ATOH8: variants seen among roughly 807,000 people sequenced by gnomAD.
ATOH8 encodes atonal bHLH transcription factor 8, also known as transcription factor ATOH8.
ATOH8 carries 9 observed loss-of-function variants against 21.2 expected under a neutral mutation model. The ratio of observed to expected loss-of-function variants is 0.42; its 90% CI spans 0.26 to 0.74. The LOEUF (loss-of-function observed/expected upper bound fraction) is 0.74, where lower values mean the gene tolerates loss of function less well. ATOH8 is among the 30% of genes least tolerant of loss of function. ATOH8 has a pLI of 0.24. For missense variants in ATOH8, 524 were observed against 470.9 expected (o/e 1.11, Z -1.04); for synonymous variants, 253 against 224.0 (o/e 1.13, Z -1.16).
At chr2:85,781,015 G>A in intron 2 of ATOH8, 1 of 988,064 alleles carries the variant, frequency 1.0e-6, no homozygotes, top group Non-Finnish European at 1.2e-6. Context: ...CCTGTGCCCA[G>A]AATAACCTCT....
intron 1 of ATOH8, among the ~76,000 whole-genome samples, chr2:85,757,611 G>C (rs534584522): frequency 1.2e-4 from 18 of 152,176 alleles, no homozygotes; most frequent in Non-Finnish European, 2.1e-4. Flanking sequence ...GCCAGGCATT[G>C]AGTTGTTCCT....
intron 1 of ATOH8, among the ~76,000 whole-genome samples, chr2:85,757,980 T>A (rs1259391829): frequency 1.3e-5 from 2 of 151,772 alleles, no homozygotes; most frequent in African/African-American, 4.8e-5. Context: ...GGGATGGGGG[T>A]TTCACCATGT....
At chr2:85,757,440 T>A (rs4832193) in intron 1 of ATOH8, among the ~76,000 whole-genome samples, 105,009 of 152,182 alleles carry the variant, frequency 0.69, 39,405 homozygotes, top group Non-Finnish European at 0.84. Context: ...CTGAAATGGG[T>A]CCTTGGAAAT....
At chr2:85,772,423 G>A (rs1680210251) in intron 2 of ATOH8, among the ~76,000 whole-genome samples, 1 of 151,970 alleles carries the variant, frequency 6.6e-6, no homozygotes, top group African/African-American at 2.4e-5. Context: ...CCCCCTCCTG[G>A]CAGCCCCAGA....
chr2:85,785,107 T>C lies in ATOH8; in HGVS notation c.961-1778T>C, dbSNP rs1680590736. ...TGGCCCCAGGCTGCCCTGACCGCCT[T>C]TACAGCATGCCCAGGAGGACGGCTC... On this transcript the variant is annotated intron_variant, in intron 2 of 2. Transcript: ENST00000306279. This position sits in a 1 kb window ranked among gnomAD's most constrained non-coding sequence, Gnocchi z 4.1. Among the ~76,000 whole-genome samples, 1 of 152,212 alleles carries C rather than the reference T, an allele frequency of 6.6e-6. No individual in the cohort carries two copies. Among genetic ancestry groups the C allele is most frequent in the African/African-American group, 2.4e-5 (1 of 41,456 alleles).
rs1031249370 is a variant in ATOH8, at chr2:85,788,196, AGTGT to A, written c.*1313_*1316del. On this transcript the variant is annotated 3_prime_UTR_variant, in exon 3 of 3. Coordinates refer to ENST00000306279, the MANE Select transcript of ATOH8 (RefSeq NM_032827.7). Reference sequence around the variant, plus strand: ...CAGGATCAGGCGCTGTCCGAGTGAGAGTGTGTGTGTCTGTGTGTGGAAGGGGGTG... The same window carrying A: ...CAGGATCAGGCGCTGTCCGAGTGAGAGTGTGTCTGTGTGTGGAAGGGGGTG... 23 of 151,694 alleles carry A rather than the reference AGTGT, an allele frequency of 1.5e-4. No individual in the cohort carries two copies. The highest frequency in any genetic ancestry group is 5.3e-4 in the African/African-American group (22 of 41,306). 9.4% of individuals were successfully genotyped at this position (151,694 alleles called of 1,614,324 possible). A position where few individuals can be genotyped will look rare whatever the true frequency, so the allele number is the denominator to read the frequency against.
chr2:85,769,263 A>G (rs1680111938), intron 2 of ATOH8, among the ~76,000 whole-genome samples: 1 of 152,236 alleles, frequency 6.6e-6, no homozygotes, highest in African/African-American at 2.4e-5. Context: ...CCTGGCAATA[A>G]ATGGCCAGTA....
chr2:85,776,624 T>C (rs1378201333), intron 2 of ATOH8, among the ~76,000 whole-genome samples: 1 of 152,182 alleles, frequency 6.6e-6, no homozygotes, highest in Non-Finnish European at 1.5e-5. Flanking sequence ...GAGGGCCTCC[T>C]GCATGGTGGG....
At chr2:85,786,051 C>T (rs1037871686) in intron 2 of ATOH8, among the ~76,000 whole-genome samples, 15 of 152,166 alleles carry the variant, frequency 9.9e-5, no homozygotes, top group Admixed American at 3.9e-4. Flanking sequence ...CCAGTTACAC[C>T]GTCTGCTCAG....
chr2:85,767,985 C>T lies in ATOH8; in HGVS notation c.960+3803C>T, dbSNP rs190350219. 3.3e-3 allele frequency among the ~76,000 whole-genome samples: 501 copies of T among 152,368 alleles called. 4 individuals carry two copies. The highest frequency in any genetic ancestry group is 0.01 in the Middle Eastern group (3 of 294). Reference sequence around the variant, plus strand: ...CCCCACCACACAGGGTCTGGATTAGCACACAGTCCCTGGGCCACCACCCTG... The same window carrying T: ...CCCCACCACACAGGGTCTGGATTAGTACACAGTCCCTGGGCCACCACCCTG... On this transcript the variant is annotated intron_variant, in intron 2 of 2. Coordinates refer to ENST00000306279, the MANE Select transcript of ATOH8 (RefSeq NM_032827.7).
chr2:85,763,426 T>C (rs1306128453), intron 1 of ATOH8, among the ~76,000 whole-genome samples: 1 of 152,072 alleles, frequency 6.6e-6, no homozygotes, highest in Non-Finnish European at 1.5e-5. Context: ...AAAAGATTTT[T>C]AAAAAATGAA....
chr2:85,786,152 G>C (rs1414169443), intron 2 of ATOH8, among the ~76,000 whole-genome samples: 3 of 152,222 alleles, frequency 2.0e-5, no homozygotes, highest in Non-Finnish European at 4.4e-5. Flanking sequence ...TTCGAACTGT[G>C]CTCCTTAGCA....
At position 85,755,096 on chromosome 2, in the gene ATOH8, GTGGGCAGTCCTAGGGTA is replaced by G. The variant is rs1679647195; in HGVS notation, c.768+143_768+159del. The G allele has an allele frequency of 3.4e-6, 4 of 1,191,220 alleles. No homozygotes were observed. In the African/African-American group the frequency reaches 4.6e-5, roughly 14 times the overall value. The allele number at this position is 1,191,220 out of a possible 1,614,324, so 73.8% of individuals were successfully genotyped here. ...GTCCGACCCTGGTGCCCAGACAGGT[GTGGGCAGTCCTAGGGTA>G]TGGATCATAGTTTTCAAAGTGGCTA... On this transcript the variant is annotated intron_variant, in intron 1 of 2. Transcript: ENST00000306279.
chr2:85,760,133 G>T (rs934089492), intron 1 of ATOH8, among the ~76,000 whole-genome samples: 1 of 152,084 alleles, frequency 6.6e-6, no homozygotes, highest in Non-Finnish European at 1.5e-5. Context: ...CTTAGGGTGG[G>T]TGGGGTGGAA....
rs1680589279 is a variant in ATOH8 at position 85,785,059 on chromosome 2, A to G, written c.961-1826A>G. Among the ~76,000 whole-genome samples, 1 of 152,260 alleles carries G rather than the reference A, an allele frequency of 6.6e-6. No homozygotes were observed. Among genetic ancestry groups the G allele is most frequent in the South Asian group, 2.1e-4 (1 of 4,836 alleles). On this transcript the variant is annotated intron_variant, in intron 2 of 2. Coordinates refer to ENST00000306279, the MANE Select transcript of ATOH8 (RefSeq NM_032827.7). The surrounding 1 kb of genome is among the most constrained non-coding windows in gnomAD (Gnocchi z 4.1). Reference sequence around the variant, plus strand: ...GTAGCTGTGGCTTCAGCGGGGACTAAGAGCCAACAGACGGCTTGGGGCTGG... The same window carrying G: ...GTAGCTGTGGCTTCAGCGGGGACTAGGAGCCAACAGACGGCTTGGGGCTGG...
chr2:85,757,963 T>G (rs984882080), intron 1 of ATOH8, among the ~76,000 whole-genome samples: 1 of 151,868 alleles, frequency 6.6e-6, no homozygotes, highest in Non-Finnish European at 1.5e-5. Context: ...TTTTTTGTAT[T>G]TTAGTAGGGA....
At chr2:85,777,077 C>T (rs899915459) in intron 2 of ATOH8, among the ~76,000 whole-genome samples, 2 of 152,180 alleles carry the variant, frequency 1.3e-5, no homozygotes, top group African/African-American at 4.8e-5. Context: ...CCCTGCACAT[C>T]TACTTAAGAA....
Position 85,788,679 on chromosome 2 carries a change from GC to G in ATOH8, c.*1791del, listed in dbSNP as rs969375330. Among the ~76,000 whole-genome samples, 6 of 152,236 alleles carry G rather than the reference GC, an allele frequency of 3.9e-5. No homozygotes were observed. Among genetic ancestry groups the G allele is most frequent in the African/African-American group, 1.4e-4 (6 of 41,462 alleles). On this transcript the variant is annotated 3_prime_UTR_variant, in exon 3 of 3. Coordinates refer to ENST00000306279, the MANE Select transcript of ATOH8 (RefSeq NM_032827.7). ...GGATAGGAGGGGACCGGAGGCTGCA[GC>G]CATACAGGACACAGTTTGTCCCTTG...
At chr2:85,783,441 G>A (rs780046278) in intron 2 of ATOH8, among the ~76,000 whole-genome samples, 18 of 152,240 alleles carry the variant, frequency 1.2e-4, no homozygotes, top group Middle Eastern at 3.4e-3. Flanking sequence ...GGTGGCGCAC[G>A]CCTGTAATCC....
Sources: allele counts gnomAD v4.1 joint callset (sites outside exome capture counted in the v4.1 genomes callset), GRCh38; gene constraint gnomAD v4.1.1; non-coding constraint Gnocchi (gnomAD v3.1); transcripts MANE v1.5; gene names NCBI Gene and HGNC (gene_info 2026-07-23, HGNC 2026-07-21).